Variants in LCOR observed in about 807,000 individuals in gnomAD.
LCOR encodes the protein ligand-dependent corepressor.
Under a neutral mutation model 64.4 loss-of-function variants are expected in LCOR, and 14 were observed. The ratio of observed to expected loss-of-function variants is 0.22; its 90% confidence interval spans 0.14 to 0.34. LCOR has a LOEUF of 0.34. LCOR is among the 10% of genes least tolerant of loss of function. The pLI, the probability that LCOR is intolerant of heterozygous loss-of-function variation, is 1.00. For missense variants in LCOR, 1,686 were observed against 1,765.3 expected (o/e 0.96, Z 0.80); for synonymous variants, 643 against 642.5 (o/e 1.00, Z -0.01).
At chr10:96,956,739 G>A (rs1017810023) in intron 7 of LCOR, 43 of 985,382 alleles carry the variant, frequency 4.4e-5, no homozygotes, top group African/African-American at 5.2e-5. Context: ...GACGAGCTCC[G>A]TATTTACTCA....
chr10:96,911,298 G>A (rs920854310), intron 4 of LCOR, among the ~76,000 whole-genome samples: 13 of 151,776 alleles, frequency 8.6e-5, no homozygotes, highest in Non-Finnish European at 1.3e-4. Context: ...GGGTTTTACC[G>A]TGTTGGCCAG....
chr10:96,868,556 G>C (rs1412327756), intron 2 of LCOR, among the ~76,000 whole-genome samples: 1 of 152,100 alleles, frequency 6.6e-6, no homozygotes, highest in Admixed American at 6.5e-5. Flanking sequence ...TTACAGGCGT[G>C]AGCCACTCTT....
intron 7 of LCOR, among the ~76,000 whole-genome samples, chr10:96,978,786 C>T (rs1307333105): frequency 3.3e-5 from 5 of 152,242 alleles, no homozygotes; most frequent in Admixed American, 2.6e-4. Context: ...GCAACCTTTT[C>T]ACTACTTGAT....
At chr10:96,865,112 C>T (rs1421488456) in intron 2 of LCOR, among the ~76,000 whole-genome samples, 3 of 152,046 alleles carry the variant, frequency 2.0e-5, no homozygotes, top group East Asian at 1.9e-4. Flanking sequence ...AGGATATCAA[C>T]GTATATTTTC....
intron 2 of LCOR, among the ~76,000 whole-genome samples, chr10:96,852,689 A>G (rs190642046): frequency 1.3e-5 from 2 of 152,336 alleles, no homozygotes; most frequent in East Asian, 1.9e-4. Context: ...AGCTCCATGA[A>G]GTAGAAGCAA....
intron 1 of LCOR, chr10:96,832,941 C>G (rs1411347144): frequency 9.2e-6 from 9 of 973,280 alleles, no homozygotes; most frequent in Non-Finnish European, 9.8e-6. Flanking sequence ...GGCGGGCGCC[C>G]GGCGCTCGGG....
chr10:96,892,974 C>T (rs1049502282), intron 2 of LCOR, among the ~76,000 whole-genome samples: 1 of 152,068 alleles, frequency 6.6e-6, no homozygotes, highest in South Asian at 2.1e-4. Context: ...ATATTTCTTT[C>T]TGTCTGTCTT....
At chr10:96,833,284 C>G (rs979525164) in intron 1 of LCOR, 122 bp from the exon 2 acceptor site, 6 of 947,696 alleles carry the variant, frequency 6.3e-6, no homozygotes, top group Middle Eastern at 5.4e-4. Flanking sequence ...GACCTTGGGC[C>G]GCCCTCGGGT....
At chr10:96,897,323 A>G (rs545055414) in intron 2 of LCOR, among the ~76,000 whole-genome samples, 2 of 152,334 alleles carry the variant, frequency 1.3e-5, no homozygotes, top group South Asian at 4.1e-4. Context: ...CAGTGCTCAT[A>G]TGAATTTACT....
chr10:96,978,147 G>C (rs1309806973), intron 7 of LCOR, among the ~76,000 whole-genome samples: 1 of 152,194 alleles, frequency 6.6e-6, no homozygotes, highest in African/African-American at 2.4e-5. Flanking sequence ...TCCTTCAGCA[G>C]GGGCCTCCTC....
rs544472906 is a variant in LCOR at position 96,973,508 on chromosome 10, T to C, written c.333-7285T>C. Among the ~76,000 whole-genome samples, 5 of 152,344 alleles carry C rather than the reference T, an allele frequency of 3.3e-5. No homozygotes were observed. The East Asian group carries it at 5.8e-4, about 18-fold the overall frequency. ...TTTCAGGCCCTCCTGACTATACTTA[T>C]ACTTTCTGTGCTTAAAGGAGAAGAA... On this transcript the variant is annotated intron_variant, in intron 7 of 7. Transcript: ENST00000421806.
intron 2 of LCOR, among the ~76,000 whole-genome samples, chr10:96,853,081 C>T (rs11188947): frequency 0.14 from 21,448 of 152,026 alleles, 2,088 homozygotes; most frequent in African/African-American, 0.27. Context: ...GAGTCTCGCT[C>T]TGTTGCCCAG....
chr10:96,985,144 T>A lies in LCOR; in HGVS notation c.*10T>A, dbSNP rs1469633321. 3 of 1,582,048 alleles carry A rather than the reference T, an allele frequency of 1.9e-6. No homozygotes were observed. The highest frequency in any genetic ancestry group is 2.6e-6 in the Non-Finnish European group (3 of 1,168,518). On this transcript the variant is annotated 3_prime_UTR_variant, in exon 8 of 8. Transcript: ENST00000421806. ...GCTGGATGCAAAGTGATTGGAAAGATGGTAGCCAAGAGTAAAACTGTTCTA... is the reference window on the plus strand; with the variant it reads ...GCTGGATGCAAAGTGATTGGAAAGAAGGTAGCCAAGAGTAAAACTGTTCTA...
chr10:96,912,607 T>TCTTCCTTCCTTCCTTCCTTACTTCCTTC (rs1846860521), intron 4 of LCOR, among the ~76,000 whole-genome samples: 1 of 140,294 alleles, frequency 7.1e-6, no homozygotes, highest in African/African-American at 2.9e-5. Flanking sequence ...TTTCTTCCTT[T>TCTTCCTTCCTTCCTTCCTTACTTCCTTC]CTTCCTTCCT....
intron 7 of LCOR, chr10:96,955,960 G>A (rs767738243): frequency 6.3e-7 from 1 of 1,578,848 alleles, no homozygotes; most frequent in Admixed American, 1.8e-5. Context: ...CAAACTGGGT[G>A]AGCACTACTG....
chr10:96,979,455 T>A (rs927484777), intron 7 of LCOR, among the ~76,000 whole-genome samples: 4 of 152,172 alleles, frequency 2.6e-5, no homozygotes, highest in African/African-American at 9.7e-5. Flanking sequence ...ATGTCTTGAG[T>A]CTAGCATCAC....
In LCOR at chr10:96,833,154, G is replaced by C; in HGVS notation, c.-403-252G>C. ...ATTTGTGTTCGGTGTCGTGCTGCGG[G>C]AGGAGGGGGTGGGACCGGGTCCGAC... is the stretch of plus-strand genomic sequence containing the variant. On this transcript the variant is annotated intron_variant, in intron 1 of 7. Transcript: ENST00000421806. 4.1e-6 allele frequency: 4 copies of C among 985,544 alleles called. No individual in the cohort carries two copies. The South Asian group carries it at 1.9e-4, about 46-fold the overall frequency. 61.0% of individuals were successfully genotyped at this position (985,544 alleles called of 1,614,324 possible). A position where few individuals can be genotyped will look rare whatever the true frequency, so the allele number is the denominator to read the frequency against.
At chr10:96,858,522 G>C (rs1845839652) in intron 2 of LCOR, among the ~76,000 whole-genome samples, 1 of 152,182 alleles carries the variant, frequency 6.6e-6, no homozygotes, top group Non-Finnish European at 1.5e-5. Context: ...ATAAATAATT[G>C]TAGGCATAAT....
Position 96,989,695 on chromosome 10 carries a change from A to ATATATATATATATATATATTTTT in LCOR, c.*4562_*4563insATATATATATATATATATTTTTT, listed in dbSNP as rs1371771053. 1 of 86,158 alleles carries ATATATATATATATATATATTTTT rather than the reference A, an allele frequency of 1.2e-5. No individual in the cohort carries two copies. Among genetic ancestry groups the ATATATATATATATATATATTTTT allele is most frequent in the African/African-American group, 6.2e-5 (1 of 16,168 alleles). 5.3% of individuals were successfully genotyped at this position (86,158 alleles called of 1,614,324 possible). On this transcript the variant is annotated 3_prime_UTR_variant, in exon 8 of 8. Coordinates refer to ENST00000421806, the MANE Select transcript of LCOR (RefSeq NM_001346516.2). ...TAAGGATATATATATATATATATATATTTTTTTTTTTTTTTTTTTTTTTTA... is the reference window on the plus strand; with the variant it reads ...TAAGGATATATATATATATATATATATATATATATATATATATATTTTTTTTTTTTTTTTTTTTTTTTTTTTTA...
Sources: allele counts gnomAD v4.1 joint callset (sites outside exome capture counted in the v4.1 genomes callset), GRCh38; gene constraint gnomAD v4.1.1; transcripts MANE v1.5; gene names NCBI Gene and HGNC (gene_info 2026-07-23, HGNC 2026-07-21).